The following CAST variants were observed in gnomAD, a reference collection of about 807,000 sequenced individuals.
CAST encodes the protein calpastatin, also known as MIR583 host.
A neutral mutation model predicts 119.6 loss-of-function variants in CAST; 76 were observed. That is an observed-to-expected ratio of 0.64 (90% CI 0.53 to 0.77). The LOEUF is 0.77. Among genes scored for constraint, CAST ranks in the 30% least tolerant of loss-of-function variants. The pLI is 0.00. For synonymous variants in CAST, 319 were observed against 331.6 expected (o/e 0.96, Z 0.41); for missense variants, 953 against 946.5 (o/e 1.01, Z -0.09).
chr5:96,053,817 G>T, the CAST span, among the ~76,000 whole-genome samples: 1 of 152,142 alleles, frequency 6.6e-6, no homozygotes, highest in African/African-American at 2.4e-5. Context: ...TCTTATAAAA[G>T]TAAAATACTT....
chr5:96,034,542 T>TTATA, the CAST span, among the ~76,000 whole-genome samples: 3 of 138,272 alleles, frequency 2.2e-5, no homozygotes, highest in Admixed American at 1.4e-4. Flanking sequence ...ATATATTCCA[T>TTATA]TATATATATA....
intron 1 of CAST, among the ~76,000 whole-genome samples, chr5:96,602,995 A>G (rs538330079): frequency 2.0e-5 from 3 of 152,364 alleles, no homozygotes; most frequent in East Asian, 3.9e-4. Flanking sequence ...ATACAGCTGA[A>G]GCGTGATAAG....
chr5:96,686,566 C>A (rs895647245), intron 2 of CAST, among the ~76,000 whole-genome samples: 3 of 152,050 alleles, frequency 2.0e-5, no homozygotes, highest in Non-Finnish European at 2.9e-5. Flanking sequence ...TGATTGGAGA[C>A]TGGGATAGTA....
intron 2 of CAST, among the ~76,000 whole-genome samples, chr5:96,692,376 G>C (rs1003569664): frequency 1.3e-5 from 2 of 152,162 alleles, no homozygotes; most frequent in African/African-American, 4.8e-5. Flanking sequence ...AGAAGACTAG[G>C]AAGCAAACCA....
intron 1 of CAST, among the ~76,000 whole-genome samples, chr5:96,615,295 T>C (rs1747431590): frequency 6.6e-6 from 1 of 152,196 alleles, no homozygotes; most frequent in Admixed American, 6.5e-5. Flanking sequence ...TTCCAGTAAG[T>C]TTATCCCATC....
At chr5:96,720,257 A>G (rs1477930105) in intron 3 of CAST, among the ~76,000 whole-genome samples, 1 of 152,210 alleles carries the variant, frequency 6.6e-6, no homozygotes, top group Non-Finnish European at 1.5e-5. Context: ...AAACTTTATC[A>G]CTAAGGTGCT....
At chr5:96,759,181 G>C (rs1767092035) in intron 24 of CAST, among the ~76,000 whole-genome samples, 1 of 152,130 alleles carries the variant, frequency 6.6e-6, no homozygotes, top group African/African-American at 2.4e-5. Context: ...TAATCATCAT[G>C]AGAACCAAAT....
the CAST span, among the ~76,000 whole-genome samples, chr5:96,207,313 C>T: frequency 6.6e-6 from 1 of 152,056 alleles, no homozygotes. Flanking sequence ...TGCCTGGTAA[C>T]TCTGGCTAGG....
chr5:96,619,393 A>G (rs1399042610), intron 1 of CAST, among the ~76,000 whole-genome samples: 2 of 152,038 alleles, frequency 1.3e-5, no homozygotes, highest in Admixed American at 6.5e-5. Context: ...TGTAAAATGG[A>G]CCAATCAGCT....
intron 1 of CAST, among the ~76,000 whole-genome samples, chr5:96,540,821 C>T (rs11135467): frequency 0.47 from 70,769 of 151,876 alleles, 17,176 homozygotes; most frequent in East Asian, 0.86. Context: ...CTATTGGAAA[C>T]TGCCTGATAT....
At chr5:96,203,159 C>T in the CAST span, among the ~76,000 whole-genome samples, 9 of 151,422 alleles carry the variant, frequency 5.9e-5, no homozygotes, top group African/African-American at 1.9e-4. Flanking sequence ...TTTTTTTTTA[C>T]ATAATATATC....
rs138473672 is a variant in CAST at position 96,741,279 on chromosome 5, C to T, written c.932C>T (p.Pro311Leu). Residue 311 changes from proline to leucine, a missense_variant, in exon 14 of 32, where the codon CCA becomes CTA. Physicochemically the swap from Pro to Leu is moderately conservative, Grantham distance 98. Transcript: ENST00000675179. ...CTGTTTCTTTAGAAACCCATAGGGC[C>T]AGATGATGCTATAGACGCCTTGTCA... is the stretch of plus-strand genomic sequence containing the variant. The part of the protein sequence containing the change: ...PPADSSKPIG[P>L]DDAIDALSSD... 12 of 1,609,512 alleles carry T rather than the reference C, an allele frequency of 7.5e-6. No individual in the cohort carries two copies. The highest frequency in any genetic ancestry group is 9.4e-6 in the Non-Finnish European group (11 of 1,176,084).
intron 1 of CAST, among the ~76,000 whole-genome samples, chr5:96,579,003 G>A (rs1746724119): frequency 6.6e-6 from 1 of 152,198 alleles, no homozygotes; most frequent in South Asian, 2.1e-4. Flanking sequence ...AGTATTGCTT[G>A]AAGAAAGTGG....
At chr5:96,234,726 T>A in the CAST span, among the ~76,000 whole-genome samples, 1 of 152,184 alleles carries the variant, frequency 6.6e-6, no homozygotes, top group African/African-American at 2.4e-5. Flanking sequence ...AAATAATAAC[T>A]TTAATGGATG....
chr5:96,176,042 C>A, the CAST span, among the ~76,000 whole-genome samples: 1 of 152,158 alleles, frequency 6.6e-6, no homozygotes, highest in Non-Finnish European at 1.5e-5. Flanking sequence ...GCTCGTCTAG[C>A]TCTATTTTGG....
chr5:96,284,471 G>C, the CAST span, among the ~76,000 whole-genome samples: 2 of 152,164 alleles, frequency 1.3e-5, no homozygotes, highest in African/African-American at 2.4e-5. Context: ...CTTGTTAAGG[G>C]TGACGGTGGG....
At chr5:96,489,606 T>A in the CAST span, among the ~76,000 whole-genome samples, 1 of 152,204 alleles carries the variant, frequency 6.6e-6, no homozygotes, top group Non-Finnish European at 1.5e-5. Context: ...GTAAAAGTTA[T>A]GTAGGACTCA....
the CAST span, among the ~76,000 whole-genome samples, chr5:96,034,473 A>ACACACACG: frequency 8.7e-6 from 1 of 115,300 alleles, no homozygotes; most frequent in Admixed American, 8.5e-5. Flanking sequence ...ACACACACAC[A>ACACACACG]CACACACACA....
chr5:96,569,402 T>C (rs987017652), intron 1 of CAST, among the ~76,000 whole-genome samples: 14 of 152,238 alleles, frequency 9.2e-5, no homozygotes, highest in Admixed American at 9.2e-4. Flanking sequence ...TTTATATATA[T>C]TTTTAAAACG....
Sources: allele counts gnomAD v4.1 joint callset (sites outside exome capture counted in the v4.1 genomes callset), GRCh38; gene constraint gnomAD v4.1.1; transcripts MANE v1.5; gene names NCBI Gene and HGNC (gene_info 2026-07-23, HGNC 2026-07-21).